GARNL3: variants seen among roughly 807,000 people sequenced by gnomAD.
GARNL3 encodes the protein GTPase-activating Rap/Ran-GAP domain-like protein 3.
Under a neutral mutation model 125.0 loss-of-function variants are expected in GARNL3, and 63 were observed. The observed-to-expected ratio is 0.50, with a 90% CI of 0.41 to 0.62. The LOEUF (loss-of-function observed/expected upper bound fraction) is 0.62. Among genes scored for constraint, GARNL3 ranks in the 20% least tolerant of loss-of-function variants. The probability of loss-of-function intolerance (pLI) is 0.00; values close to 1 mark genes in which losing one functional copy is unlikely to be tolerated. For missense variants in GARNL3, 994 were observed against 1,244.0 expected (o/e 0.80, Z 3.02); for synonymous variants, 439 against 457.5 (o/e 0.96, Z 0.52).
Position 127,383,482 on chromosome 9 carries a change from T to C in GARNL3, c.2206T>C (p.Phe736Leu). The C allele has an allele frequency of 6.2e-7, 1 of 1,613,784 alleles. No homozygotes were observed. Among genetic ancestry groups the C allele is most frequent in the Non-Finnish European group, 8.5e-7 (1 of 1,179,860 alleles). The change falls in exon 23 of 28, where the codon TTT becomes CTT. Residue 736 changes from phenylalanine (F) to leucine (L), a missense_variant. Coordinates refer to ENST00000373387, the MANE Select transcript of GARNL3 (RefSeq NM_032293.5). ...KKVCPFNGGS[F>L]LVQPSASDFQ... ...GGTTTGCCCCTTTAATGGTGGCTCTTTTTTGGTTCAACCTTCTGCGTCAGA... is the reference window on the plus strand; with the variant it reads ...GGTTTGCCCCTTTAATGGTGGCTCTCTTTTGGTTCAACCTTCTGCGTCAGA...
At chr9:127,381,550 G>A (rs1832257328) in intron 22 of GARNL3, among the ~76,000 whole-genome samples, 1 of 152,034 alleles carries the variant, frequency 6.6e-6, no homozygotes, top group Admixed American at 6.5e-5. Flanking sequence ...TTAAACGAAT[G>A]AAATTATACA....
intron 2 of GARNL3, among the ~76,000 whole-genome samples, chr9:127,311,245 A>AAG (rs2065089393): frequency 6.6e-6 from 1 of 151,830 alleles, no homozygotes; most frequent in Non-Finnish European, 1.5e-5. Context: ...GAAAAAAAAA[A>AAG]ACAGAAAAAA....
intron 5 of GARNL3, 144 bp from the exon 6 acceptor site, chr9:127,320,571 T>G (rs1020008877): frequency 1.7e-6 from 1 of 603,810 alleles, no homozygotes. Context: ...TGTTGGTTAC[T>G]TTCATCTGTT....
chr9:127,339,666 G>C lies in GARNL3; in HGVS notation c.1050G>C (p.Glu350Asp), dbSNP rs765595052. Residue 350 changes from glutamate (E) to aspartate (D), a missense_variant, in exon 13 of 28, where the codon GAG becomes GAC. Glu to Asp is a conservative substitution (Grantham distance 45, BLOSUM62 2). This residue lies in a region of GARNL3 where 728 missense variants were observed against 865.7 expected (regional missense o/e 0.84). Transcript: ENST00000373387. ...TTAGGCTGAAAATATTTTCAGAAGAGAGCGTACCACTCTTTGGCCCTCCCT... is the reference window on the plus strand; with the variant it reads ...TTAGGCTGAAAATATTTTCAGAAGACAGCGTACCACTCTTTGGCCCTCCCT... The part of the protein sequence containing the change: ...DNYRLKIFSE[E>D]SVPLFGPPLP... 2.5e-6 allele frequency: 4 copies of C among 1,612,742 alleles called. No individual in the cohort carries two copies. The highest frequency in any genetic ancestry group is 1.7e-5 in the Admixed American group (1 of 60,016).
At chr9:127,380,713 A>T (rs1203091597) in intron 22 of GARNL3, among the ~76,000 whole-genome samples, 2 of 152,196 alleles carry the variant, frequency 1.3e-5, no homozygotes, top group African/African-American at 4.8e-5. Context: ...ATTTATATGA[A>T]ATGTCCGGAA....
At chr9:127,232,018 A>G (rs1382548325) in intron 1 of GARNL3, among the ~76,000 whole-genome samples, 2 of 152,214 alleles carry the variant, frequency 1.3e-5, no homozygotes, top group African/African-American at 4.8e-5. Flanking sequence ...GTAGTTGATC[A>G]TTTGGCTTCT....
intron 1 of GARNL3, among the ~76,000 whole-genome samples, chr9:127,273,361 G>A (rs561928887): frequency 1.4e-4 from 22 of 152,244 alleles, no homozygotes; most frequent in Middle Eastern, 3.4e-3. Context: ...AACAAATACC[G>A]CTGTCCTTAA....
intron 1 of GARNL3, among the ~76,000 whole-genome samples, chr9:127,231,221 A>ATTTTTTTTTTTTTT (rs754935724): frequency 1.5e-5 from 1 of 66,072 alleles, no homozygotes; most frequent in Admixed American, 2.0e-4. Flanking sequence ...CGCCCAGCTA[A>ATTTTTTTTTTTTTT]TTTTTTGTTT....
chr9:127,354,398 G>C lies in GARNL3; in HGVS notation c.1747G>C (p.Glu583Gln). 1.2e-6 allele frequency: 2 copies of C among 1,607,262 alleles called. No homozygotes were observed. Among genetic ancestry groups the C allele is most frequent in the Non-Finnish European group, 1.7e-6 (2 of 1,174,616 alleles). Residue 583 changes from glutamate (E) to glutamine (Q), a missense_variant, in exon 19 of 28, where the codon GAG (glutamate) becomes CAG (glutamine). By Grantham distance (29) the Glu-to-Gln change is conservative. Transcript: ENST00000373387. ...GTCTGACTGCAGAGAAAACAAGTTG[G>C]AGAAAACAAAAGGTGACTTGATAGA... The part of the protein sequence containing the change: ...SRSDCRENKL[E>Q]KTKGCHLYAI...
chr9:127,338,604 C>T (rs958691756), intron 12 of GARNL3, among the ~76,000 whole-genome samples: 1 of 152,202 alleles, frequency 6.6e-6, no homozygotes, highest in Non-Finnish European at 1.5e-5. Context: ...TTCTTGAAGC[C>T]TCAGGCCTTC....
intron 2 of GARNL3, among the ~76,000 whole-genome samples, chr9:127,248,062 C>G (rs1338594344): frequency 6.6e-6 from 1 of 152,178 alleles, no homozygotes; most frequent in Non-Finnish European, 1.5e-5. Flanking sequence ...TAATAGCCTT[C>G]AGAAGCTTTG....
At chr9:127,362,068 CTTT>C (rs540192850) in intron 21 of GARNL3, 43 of 130,214 alleles carry the variant, frequency 3.3e-4, no homozygotes, top group Middle Eastern at 3.8e-3. Flanking sequence ...TTCATTTCTC[CTTT>C]TTTTTTTTTT....
At chr9:127,297,704 T>C (rs900705657) in intron 2 of GARNL3, among the ~76,000 whole-genome samples, 1 of 152,244 alleles carries the variant, frequency 6.6e-6, no homozygotes, top group East Asian at 1.9e-4. Context: ...TTCTATTTAG[T>C]AAAATTCAGT....
At chr9:127,369,201 G>A (rs751494334) in intron 22 of GARNL3, 2 of 151,620 alleles carry the variant, frequency 1.3e-5, no homozygotes, top group Non-Finnish European at 2.9e-5. Flanking sequence ...AAAAAAGGAA[G>A]ACTCTGCAGT....
Position 127,365,333 on chromosome 9 carries a change from G to A in GARNL3, c.2128G>A (p.Asp710Asn), listed in dbSNP as rs1448749019. The A allele has an allele frequency of 1.2e-6, 2 of 1,614,064 alleles. No homozygotes were observed. Among genetic ancestry groups the A allele is most frequent in the South Asian group, 2.2e-5 (2 of 91,074 alleles). Residue 710 changes from aspartate to asparagine, a missense_variant, in exon 22 of 28, where the codon GAT (aspartate) becomes AAT (asparagine). Coordinates refer to ENST00000373387, the MANE Select transcript of GARNL3 (RefSeq NM_032293.5). Reference sequence around the variant, plus strand: ...TGTTGCAGCTATTGATGTGTACGAAGATGGAGAAGCTGGTTTGCTGTTGTG... The same window carrying A: ...TGTTGCAGCTATTGATGTGTACGAAAATGGAGAAGCTGGTTTGCTGTTGTG... ...NFVAAIDVYEDGEAGLLLCYN... is the reference protein window; with the variant it reads ...NFVAAIDVYENGEAGLLLCYN...
intron 15 of GARNL3, among the ~76,000 whole-genome samples, 195 bp from the exon 16 acceptor site, chr9:127,345,208 T>C (rs1281769262): frequency 6.6e-6 from 1 of 152,188 alleles, no homozygotes; most frequent in East Asian, 1.9e-4. Context: ...TTTGGATAAT[T>C]TGGGTTGCGA....
upstream of GARNL3, among the ~76,000 whole-genome samples, chr9:127,258,954 A>C (rs1042467972): frequency 6.6e-6 from 1 of 152,108 alleles, no homozygotes; most frequent in African/African-American, 2.4e-5. Flanking sequence ...ACTTCTCACA[A>C]ATTCTCTCTA....
intron 17 of GARNL3, among the ~76,000 whole-genome samples, chr9:127,352,284 T>G (rs1367000753): frequency 1.3e-5 from 2 of 152,172 alleles, no homozygotes; most frequent in Admixed American, 1.3e-4. Flanking sequence ...AATGGGAGTA[T>G]TATAAGTTCC....
intron 6 of GARNL3, 62 bp from the exon 7 acceptor site, chr9:127,325,007 C>T (rs1374790110): frequency 6.7e-7 from 1 of 1,489,518 alleles, no homozygotes; most frequent in African/African-American, 1.4e-5. Context: ...GCTTTCACAG[C>T]AAGTCAAAAT....
Sources: allele counts gnomAD v4.1 joint callset (sites outside exome capture counted in the v4.1 genomes callset), GRCh38; gene constraint gnomAD v4.1.1; regional missense constraint gnomAD v4.1.1; transcripts MANE v1.5; gene names NCBI Gene and HGNC (gene_info 2026-07-23, HGNC 2026-07-21).